Variants in RAB11FIP4 observed in about 807,000 individuals in gnomAD.
RAB11FIP4 encodes RAB11 family interacting protein 4.
In RAB11FIP4, 23 loss-of-function variants were observed where a neutral mutation model predicts 74.3. The observed-to-expected ratio is 0.31, with a 90% CI of 0.22 to 0.44. The LOEUF (loss-of-function observed/expected upper bound fraction) is 0.44. Among genes scored for constraint, RAB11FIP4 ranks in the 20% least tolerant of loss-of-function variants. RAB11FIP4 has a pLI of 1.00. For missense variants in RAB11FIP4, 630 were observed against 863.9 expected, an observed-to-expected ratio of 0.73 and a Z score of 3.39; for synonymous variants, 360 against 359.9, an observed-to-expected ratio of 1.00 and a Z score of 0.00.
At position 31,525,928 on chromosome 17, in the gene RAB11FIP4, CCA is replaced by C. The variant is rs1013690739; in HGVS notation, c.1274+699_1274+700del. 5.3e-5 allele frequency: 8 copies of C among 152,362 alleles called. No homozygotes were observed. The South Asian group carries it at 8.3e-4, about 16-fold the overall frequency. The allele number at this position is 152,362 out of a possible 1,614,324, so 9.4% of individuals were successfully genotyped here. ...GGCACTCCTCAGGCCCCCTGAGGCC[CCA>C]GTCTCCATGCTGAGGCTTCCCAGAG... On this transcript the variant is annotated intron_variant, in intron 10 of 14. Coordinates refer to ENST00000621161, the MANE Select transcript of RAB11FIP4 (RefSeq NM_032932.6).
chr17:31,487,042 T>C (rs913752464), intron 3 of RAB11FIP4, among the ~76,000 whole-genome samples: 1 of 152,192 alleles, frequency 6.6e-6, no homozygotes, highest in African/African-American at 2.4e-5. Context: ...GATGCCCCAC[T>C]GGTCCTGCCC....
rs1254973894 is a variant in RAB11FIP4, at chr17:31,534,944, C to A, written c.*3212C>A. On this transcript the variant is annotated 3_prime_UTR_variant, in exon 15 of 15. Transcript: ENST00000621161. ...ACATTATCTATTAGAAAATGAAGTA[C>A]CTTCTGGTTCAGCTAGTCCCTGTGC... The A allele has an allele frequency of 6.5e-6, 1 of 154,300 alleles. No individual in the cohort carries two copies. Among genetic ancestry groups the A allele is most frequent in the African/African-American group, 2.4e-5 (1 of 41,484 alleles). 9.6% of individuals were successfully genotyped at this position (154,300 alleles called of 1,614,324 possible). A position where few individuals can be genotyped will look rare whatever the true frequency, so the allele number is the denominator to read the frequency against.
At chr17:31,415,752 C>G (rs1030449380) in intron 1 of RAB11FIP4, among the ~76,000 whole-genome samples, 6 of 152,138 alleles carry the variant, frequency 3.9e-5, no homozygotes, top group African/African-American at 1.4e-4. Flanking sequence ...GGAAGCACAG[C>G]ATCCCTGAGA....
intron 1 of RAB11FIP4, 76 bp from the exon 2 acceptor site, chr17:31,431,737 A>G: frequency 1.9e-6 from 1 of 528,442 alleles, no homozygotes; most frequent in Non-Finnish European, 3.8e-6. Context: ...CCTCCCTCCC[A>G]GCCTCCCCAC....
Position 31,536,566 on chromosome 17 carries a change from C to G in RAB11FIP4, c.*4834C>G, listed in dbSNP as rs943669680. On this transcript the variant is annotated 3_prime_UTR_variant, in exon 15 of 15. Coordinates refer to ENST00000621161, the MANE Select transcript of RAB11FIP4 (RefSeq NM_032932.6). ...CCCTTTGGGACCCAGGAAATCCCCT[C>G]TAGGGTGACGCTGCTGGCTAGGAAG... The G allele has an allele frequency of 3.2e-5, 5 of 157,942 alleles. No homozygotes were observed. The highest frequency in any genetic ancestry group is 1.2e-4 in the African/African-American group (5 of 41,704). The allele number at this position is 157,942 out of a possible 1,614,324, so 9.8% of individuals were successfully genotyped here.
intron 3 of RAB11FIP4, among the ~76,000 whole-genome samples, chr17:31,494,800 T>A (rs2072082847): frequency 6.7e-6 from 1 of 150,338 alleles, no homozygotes; most frequent in South Asian, 2.1e-4. Context: ...TTAACAAACC[T>A]TGCTCGGGCT....
At chr17:31,484,060 C>T (rs1379889921) in intron 3 of RAB11FIP4, among the ~76,000 whole-genome samples, 4 of 143,922 alleles carry the variant, frequency 2.8e-5, no homozygotes, top group African/African-American at 1.1e-4. Flanking sequence ...GGCAACAGAG[C>T]AAGATCTTAT....
intron 3 of RAB11FIP4, among the ~76,000 whole-genome samples, chr17:31,505,413 T>A (rs1446556775): frequency 9.5e-6 from 1 of 105,590 alleles, no homozygotes; most frequent in African/African-American, 4.0e-5. Context: ...ATATAATAAT[T>A]ATTATATATT....
chr17:31,393,860 C>A (rs544044762), intron 1 of RAB11FIP4, among the ~76,000 whole-genome samples: 1 of 152,176 alleles, frequency 6.6e-6, no homozygotes, highest in East Asian at 1.9e-4. Context: ...GTTTTCCTAG[C>A]AATAACATGA....
At chr17:31,429,828 C>CAAAAAAAA (rs751342010) in intron 1 of RAB11FIP4, among the ~76,000 whole-genome samples, 3 of 80,324 alleles carry the variant, frequency 3.7e-5, no homozygotes, top group African/African-American at 4.9e-5. Context: ...GATTCCATCT[C>CAAAAAAAA]AAAAAAAAAA....
chr17:31,446,785 A>G (rs1387008867), intron 3 of RAB11FIP4, among the ~76,000 whole-genome samples: 1 of 152,208 alleles, frequency 6.6e-6, no homozygotes, highest in East Asian at 1.9e-4. Context: ...ACCAGGGGGC[A>G]TCTTCCTGGA....
chr17:31,493,500 G>A (rs2072052916), intron 3 of RAB11FIP4, among the ~76,000 whole-genome samples: 1 of 152,050 alleles, frequency 6.6e-6, no homozygotes, highest in Non-Finnish European at 1.5e-5. Flanking sequence ...GCTGAGGGGT[G>A]TCTACCCTCT....
intron 3 of RAB11FIP4, among the ~76,000 whole-genome samples, chr17:31,452,881 C>T (rs1039119053): frequency 4.3e-4 from 66 of 152,340 alleles, no homozygotes; most frequent in African/African-American, 1.5e-3. Flanking sequence ...TTCAGGCAGA[C>T]TCCTGGGGGA....
chr17:31,392,051 GCCCAGCCCCGCCGCCCCTC>G, intron 1 of RAB11FIP4, 40 bp downstream of exon 1: 1 of 1,210,344 alleles, frequency 8.3e-7, no homozygotes, highest in East Asian at 3.4e-5. Flanking sequence ...GGGGACCCCA[GCCCAGCCCCGCCGCCCCTC>G]CCCCAGCTCC....
chr17:31,493,581 G>A lies in RAB11FIP4; in HGVS notation c.337-24070G>A, dbSNP rs114601717. 7.0e-3 allele frequency among the ~76,000 whole-genome samples: 1,064 copies of A among 152,170 alleles called. 17 individuals carry two copies. The highest frequency in any genetic ancestry group is 0.024 in the African/African-American group (1,016 of 41,498). Reference sequence around the variant, plus strand: ...GCAAGTCCCTGCCCCCTGCTCCCTCGTTTTCCTGGAAGAAATGCCTACCTA... The same window carrying A: ...GCAAGTCCCTGCCCCCTGCTCCCTCATTTTCCTGGAAGAAATGCCTACCTA... On this transcript the variant is annotated intron_variant, in intron 3 of 14. Transcript: ENST00000621161.
At chr17:31,499,747 C>T (rs143595420) in intron 3 of RAB11FIP4, among the ~76,000 whole-genome samples, 175 of 152,202 alleles carry the variant, frequency 1.1e-3, no homozygotes, top group African/African-American at 3.9e-3. Flanking sequence ...ACATGGTAGG[C>T]GCCCTAGTAT....
At chr17:31,467,153 C>A (rs1250188003) in intron 3 of RAB11FIP4, among the ~76,000 whole-genome samples, 1 of 150,500 alleles carries the variant, frequency 6.6e-6, no homozygotes, top group African/African-American at 2.5e-5. Context: ...TGCTCTGTCG[C>A]CCAGGCTGGA....
intron 3 of RAB11FIP4, among the ~76,000 whole-genome samples, chr17:31,492,202 C>A (rs1474338089): frequency 6.6e-6 from 1 of 152,232 alleles, no homozygotes; most frequent in Non-Finnish European, 1.5e-5. Flanking sequence ...TGGCCTCCCT[C>A]TTCACTCCCT....
chr17:31,429,942 G>A (rs961309526), intron 1 of RAB11FIP4, among the ~76,000 whole-genome samples: 1 of 151,662 alleles, frequency 6.6e-6, no homozygotes, highest in Admixed American at 6.6e-5. Flanking sequence ...CCAAATAAAC[G>A]CTATTTCCTT....
Sources: gnomAD v4.1 joint callset for allele counts (sites outside exome capture counted in the v4.1 genomes callset) on GRCh38, gnomAD v4.1.1 for gene constraint, MANE v1.5 for transcripts, NCBI Gene and HGNC (gene_info 2026-07-23, HGNC 2026-07-21) for gene names.